The following SCFD2 variants were observed in gnomAD, a reference collection of about 807,000 sequenced individuals.
The protein encoded by SCFD2 is sec1 family domain-containing protein 2.
In SCFD2, 54 loss-of-function variants were observed where a neutral mutation model predicts 58.9. That is an observed-to-expected ratio of 0.92 (90% CI 0.74 to 1.15). SCFD2 has a LOEUF of 1.15. SCFD2 is among the 50% of genes most tolerant of loss of function. The probability of loss-of-function intolerance (pLI) is 0.00; values close to 1 mark genes in which losing one functional copy is unlikely to be tolerated. For synonymous variants in SCFD2, 321 were observed against 335.9 expected (o/e 0.96, Z 0.49); for missense variants, 805 against 836.6 (o/e 0.96, Z 0.47).
chr4:53,038,384 T>C (rs7671836), intron 5 of SCFD2, among the ~76,000 whole-genome samples: 33,096 of 152,108 alleles, frequency 0.22, 6,080 homozygotes, highest in African/African-American at 0.51. Context: ...CCACCCTCAA[T>C]TGTAAAGACA....
Position 53,096,027 on chromosome 4 carries a change from T to C in SCFD2, c.1561+49306A>G, listed in dbSNP as rs938982109. 3.3e-5 allele frequency among the ~76,000 whole-genome samples: 5 copies of C among 152,290 alleles called. 1 individual carries two copies. Among genetic ancestry groups the C allele is most frequent in the East Asian group, 3.9e-4 (2 of 5,188 alleles). ...GAATGATGGTTTCCAGCTTCATCCA[T>C]GTCCCTACAAAGGACATGAACTCAT... On this transcript the variant is annotated intron_variant, in intron 5 of 8. Transcript: ENST00000401642.
intron 8 of SCFD2, among the ~76,000 whole-genome samples, chr4:52,883,514 G>C (rs1718667625): frequency 6.6e-6 from 1 of 152,174 alleles, no homozygotes; most frequent in South Asian, 2.1e-4. Flanking sequence ...AGATGACTGA[G>C]CACAGGGTCA....
At chr4:53,247,581 C>G (rs1485900388) in intron 4 of SCFD2, among the ~76,000 whole-genome samples, 3 of 152,096 alleles carry the variant, frequency 2.0e-5, no homozygotes, top group African/African-American at 7.2e-5. Context: ...AAGATCAGGC[C>G]GGGCGCGGTG....
At chr4:53,316,566 T>C (rs1732870526) in intron 2 of SCFD2, among the ~76,000 whole-genome samples, 1 of 152,174 alleles carries the variant, frequency 6.6e-6, no homozygotes, top group Admixed American at 6.5e-5. Context: ...AGTGGTATTG[T>C]CTTATATTCA....
At chr4:53,331,894 A>AT (rs1247966998) in intron 2 of SCFD2, among the ~76,000 whole-genome samples, 15 of 152,350 alleles carry the variant, frequency 9.8e-5, no homozygotes, top group Non-Finnish European at 1.3e-4. Flanking sequence ...AATAGAGGCA[A>AT]TAAAAAATGA....
intron 6 of SCFD2, among the ~76,000 whole-genome samples, chr4:52,916,228 A>C (rs186619568): frequency 6.6e-6 from 1 of 152,228 alleles, no homozygotes; most frequent in Admixed American, 6.5e-5. Flanking sequence ...TGGGGAGATT[A>C]AGCTTCTCAC....
At chr4:53,190,853 ACTC>A (rs1330170854) in intron 4 of SCFD2, among the ~76,000 whole-genome samples, 2 of 147,012 alleles carry the variant, frequency 1.4e-5, no homozygotes, top group Non-Finnish European at 2.9e-5. Flanking sequence ...ATGTCTGTGA[ACTC>A]CTTCAGAAGT....
intron 5 of SCFD2, among the ~76,000 whole-genome samples, chr4:52,963,832 C>CTT (rs1229855205): frequency 6.6e-6 from 1 of 152,050 alleles, no homozygotes; most frequent in Non-Finnish European, 1.5e-5. Context: ...AAAATGTTGC[C>CTT]TTTTGGTTTC....
At chr4:52,891,926 T>C (rs758754671) in intron 7 of SCFD2, among the ~76,000 whole-genome samples, 16 of 152,358 alleles carry the variant, frequency 1.1e-4, no homozygotes, top group Middle Eastern at 3.4e-3. Flanking sequence ...CATGACAAGC[T>C]GTGTTCCTGA....
chr4:52,926,951 A>G (rs1719877802), intron 5 of SCFD2, among the ~76,000 whole-genome samples: 1 of 152,234 alleles, frequency 6.6e-6, no homozygotes, highest in Non-Finnish European at 1.5e-5. Flanking sequence ...TGGCAAATGA[A>G]AACAAAACTA....
intron 4 of SCFD2, among the ~76,000 whole-genome samples, chr4:53,267,885 T>C (rs1731038338): frequency 6.6e-6 from 1 of 152,240 alleles, no homozygotes; most frequent in Non-Finnish European, 1.5e-5. Flanking sequence ...TTAGAATTAA[T>C]ATGTCAAATT....
At chr4:53,048,137 G>A (rs1208891129) in intron 5 of SCFD2, among the ~76,000 whole-genome samples, 2 of 152,130 alleles carry the variant, frequency 1.3e-5, no homozygotes, top group Non-Finnish European at 2.9e-5. Flanking sequence ...GGTCACCTGA[G>A]GTCAGGAGTT....
chr4:53,147,014 C>G (rs550013745), intron 4 of SCFD2, among the ~76,000 whole-genome samples: 1 of 152,114 alleles, frequency 6.6e-6, no homozygotes, highest in South Asian at 2.1e-4. Context: ...GTGCTATAAA[C>G]AAAAATAAAG....
At chr4:53,298,146 G>A (rs1317989238) in intron 3 of SCFD2, among the ~76,000 whole-genome samples, 2 of 152,126 alleles carry the variant, frequency 1.3e-5, no homozygotes, top group African/African-American at 4.8e-5. Context: ...GCAGGGCGAG[G>A]CATCACTTCA....
chr4:53,271,157 G>A (rs770935180), intron 4 of SCFD2, among the ~76,000 whole-genome samples: 32 of 151,954 alleles, frequency 2.1e-4, no homozygotes, highest in Non-Finnish European at 3.7e-4. Context: ...GCAGCTCACC[G>A]ACATCCTGAA....
At chr4:53,354,631 A>G (rs933224108) in intron 1 of SCFD2, among the ~76,000 whole-genome samples, 2 of 152,216 alleles carry the variant, frequency 1.3e-5, no homozygotes, top group Admixed American at 6.5e-5. Context: ...GTCACCTCTC[A>G]CTAGCACAGT....
chr4:52,908,390 G>T (rs185856559), intron 6 of SCFD2, among the ~76,000 whole-genome samples: 2 of 152,112 alleles, frequency 1.3e-5, no homozygotes, highest in East Asian at 3.9e-4. Context: ...TTCTTTTCTC[G>T]CTTGGTGGAC....
intron 4 of SCFD2, among the ~76,000 whole-genome samples, chr4:53,227,865 A>T (rs1729274482): frequency 6.6e-6 from 1 of 152,208 alleles, no homozygotes; most frequent in South Asian, 2.1e-4. Flanking sequence ...GCTTATAAAC[A>T]GGCAGAGCTG....
rs1205539569 is a variant in SCFD2 at position 53,203,209 on chromosome 4, C to G, written c.1312-57627G>C. The stretch of plus-strand genomic sequence containing the variant: ...ATTTTGAGATACATCCCATCAATAC[C>G]TAATTTATTGAGAGATTTTAGCCTG... On this transcript the variant is annotated intron_variant, in intron 4 of 8. Transcript: ENST00000401642. 2.0e-5 allele frequency among the ~76,000 whole-genome samples: 3 copies of G among 152,134 alleles called. No individual in the cohort carries two copies. In the East Asian group the frequency reaches 5.8e-4, roughly 29 times the overall value.
Sources: allele counts gnomAD v4.1 joint callset (sites outside exome capture counted in the v4.1 genomes callset), GRCh38; gene constraint gnomAD v4.1.1; transcripts MANE v1.5; gene names NCBI Gene and HGNC (gene_info 2026-07-23, HGNC 2026-07-21).